Variants in SETD4 observed in about 807,000 individuals in gnomAD.
The protein encoded by SETD4 is SET domain-containing protein 4.
SETD4 carries 46 observed loss-of-function variants against 58.3 expected under a neutral mutation model. The ratio of observed to expected loss-of-function variants is 0.79; its 90% CI spans 0.62 to 1.01. The LOEUF is 1.01. Among genes scored for constraint, SETD4 ranks in the 50% least tolerant of loss-of-function variants. The probability of loss-of-function intolerance (pLI) is 0.00; values close to 1 mark genes in which losing one functional copy is unlikely to be tolerated. For missense variants in SETD4, 490 were observed against 523.3 expected, an observed-to-expected ratio of 0.94 and a Z score of 0.62; for synonymous variants, 190 against 202.6, an observed-to-expected ratio of 0.94 and a Z score of 0.53.
chr21:36,050,446 G>C, intron 4 of SETD4: 1 of 1,614,170 alleles, frequency 6.2e-7, no homozygotes, highest in Non-Finnish European at 8.5e-7. Context: ...GTGGTAGTCA[G>C]AGTACCAACC....
intron 5 of SETD4, among the ~76,000 whole-genome samples, chr21:36,047,885 A>G (rs560224567): frequency 1.2e-4 from 18 of 151,450 alleles, no homozygotes; most frequent in African/African-American, 4.1e-4. Flanking sequence ...AGGCACCTGT[A>G]ATCCCAGCTA....
rs1361233994 is a variant in SETD4 at position 36,060,351 on chromosome 21, G to A, written c.-41C>T. 1 of 164,696 alleles carries A rather than the reference G, an allele frequency of 6.1e-6. No homozygotes were observed. The highest frequency in any genetic ancestry group is 1.3e-5 in the Non-Finnish European group (1 of 79,460). The allele number at this position is 164,696 out of a possible 1,614,324, so 10.2% of individuals were successfully genotyped here. On this transcript the variant is annotated 5_prime_UTR_variant, in exon 1 of 12. Coordinates refer to ENST00000332131, the MANE Select transcript of SETD4 (RefSeq NM_017438.5). ...CCGGAAGTCCTACTAGCTCACCTAG[G>A]CGCCGGCGGCCGCTTCCAAGATGGA...
intron 1 of SETD4, chr21:36,059,743 A>G (rs1429967638): frequency 2.0e-6 from 2 of 984,850 alleles, no homozygotes; most frequent in Non-Finnish European, 2.4e-6. Flanking sequence ...AAAACATACG[A>G]GGGCAGAAAT....
intron 10 of SETD4, 144 bp downstream of exon 10, chr21:36,038,006 A>T (rs2063864392): frequency 9.6e-7 from 1 of 1,039,926 alleles, no homozygotes; most frequent in Non-Finnish European, 1.3e-6. Flanking sequence ...CAAAGAAAAC[A>T]AAAATAGAGA....
At chr21:36,052,735 C>A (rs2064779801) in intron 4 of SETD4, among the ~76,000 whole-genome samples, 1 of 152,104 alleles carries the variant, frequency 6.6e-6, no homozygotes, top group Non-Finnish European at 1.5e-5. Flanking sequence ...CGCTAGAGAT[C>A]TTTAAAATAG....
At chr21:36,043,630 G>A in intron 7 of SETD4, 152 bp downstream of exon 7, 1 of 1,422,472 alleles carries the variant, frequency 7.0e-7, no homozygotes, top group Non-Finnish European at 9.1e-7. Context: ...ATTACAGCCA[G>A]TAAGAGTAAG....
chr21:36,051,720 T>A (rs368821660), intron 4 of SETD4, among the ~76,000 whole-genome samples: 1 of 152,196 alleles, frequency 6.6e-6, no homozygotes, highest in Non-Finnish European at 1.5e-5. Context: ...ACAAAAAAAA[T>A]GGTTTTGCTA....
chr21:36,049,563 A>G (rs1281584136), intron 4 of SETD4, among the ~76,000 whole-genome samples: 2 of 151,550 alleles, frequency 1.3e-5, no homozygotes, highest in Non-Finnish European at 3.0e-5. Flanking sequence ...TCAAAAAAGA[A>G]AAAAAAAATC....
rs1351554797 is a variant in SETD4 at position 36,043,883 on chromosome 21, T to A, written c.800A>T (p.Glu267Val). 1.5e-5 allele frequency: 24 copies of A among 1,614,212 alleles called. No individual in the cohort carries two copies. The highest frequency in any genetic ancestry group is 3.3e-5 in the Admixed American group (2 of 60,022). Residue 267 changes from glutamate to valine, a missense_variant, in exon 7 of 12, where the codon GAG becomes GTG. Physicochemically the swap from Glu to Val is moderately radical, Grantham distance 121. Transcript: ENST00000332131. ...RTTSRWRKHEEVFICYGPHDN... is the reference protein window; with the variant it reads ...RTTSRWRKHEVVFICYGPHDN... ...GTGAGGGCCGTAACAGATGAATACC[T>A]CTTCATGCTTTCTCCAACGTGAAGT...
At chr21:36,051,817 G>C (rs1307102585) in intron 4 of SETD4, among the ~76,000 whole-genome samples, 1 of 152,116 alleles carries the variant, frequency 6.6e-6, no homozygotes, top group Admixed American at 6.6e-5. Flanking sequence ...AGGAATTTTT[G>C]TATTATACAG....
rs140217586 is a variant in SETD4 at position 36,053,845 on chromosome 21, G to A, written c.170-225C>T. ...CCTTGAAGGGCAGTCAGCTTCAGAG[G>A]TGAGACCTAAAGAGCACCGTGGACT... is the stretch of plus-strand genomic sequence containing the variant. On this transcript the variant is annotated intron_variant, in intron 3 of 11. Coordinates refer to ENST00000332131, the MANE Select transcript of SETD4 (RefSeq NM_017438.5). 3.3e-3 allele frequency among the ~76,000 whole-genome samples: 498 copies of A among 152,282 alleles called. 1 individual carries two copies. Among genetic ancestry groups the A allele is most frequent in the African/African-American group, 0.011 (459 of 41,540 alleles).
At chr21:36,049,141 T>A (rs1022190703) in intron 4 of SETD4, among the ~76,000 whole-genome samples, 2 of 152,090 alleles carry the variant, frequency 1.3e-5, no homozygotes, top group African/African-American at 4.8e-5. Flanking sequence ...CCCACGGAGA[T>A]AGAACCATGG....
rs192595505 is a variant in SETD4, at chr21:36,045,531, C to T, written c.726+51G>A. The T allele has an allele frequency of 1.4e-3, 2,273 of 1,576,934 alleles. 5 individuals are homozygous for T. Among genetic ancestry groups the T allele is most frequent in the Admixed American group, 1.9e-3 (113 of 58,234 alleles). On this transcript the variant is annotated intron_variant, in intron 6 of 11. Coordinates refer to ENST00000332131, the MANE Select transcript of SETD4 (RefSeq NM_017438.5). ...ATCTACAGCCACAGGTTCTGGGCAG[C>T]GGAAGCCTTCCTATCCAAATAGAAT...
chr21:36,045,519 G>A (rs772406370), intron 6 of SETD4, 63 bp downstream of exon 6: 12 of 1,559,502 alleles, frequency 7.7e-6, no homozygotes, highest in Non-Finnish European at 9.6e-6. Flanking sequence ...TACAGCCACA[G>A]GTTCTGGGCA....
chr21:36,044,292 T>C (rs1463431548), intron 6 of SETD4, among the ~76,000 whole-genome samples: 1 of 152,240 alleles, frequency 6.6e-6, no homozygotes, highest in Non-Finnish European at 1.5e-5. Context: ...TGTAAAAAGC[T>C]AGAGAGTAAA....
At chr21:36,037,708 G>A (rs550030115) in intron 10 of SETD4, among the ~76,000 whole-genome samples, 18 of 151,396 alleles carry the variant, frequency 1.2e-4, no homozygotes, top group East Asian at 4.0e-4. Context: ...GCCCAGATGC[G>A]GTGGTTCAGG....
intron 3 of SETD4, among the ~76,000 whole-genome samples, chr21:36,055,990 G>A (rs905790797): frequency 6.6e-6 from 1 of 152,148 alleles, no homozygotes; most frequent in Non-Finnish European, 1.5e-5. Context: ...GTACATCTAA[G>A]GGTGTGGCTT....
rs562365090 is a variant in SETD4, at chr21:36,053,231, C to T, written c.207+352G>A. 5 of 305,522 alleles carry T rather than the reference C, an allele frequency of 1.6e-5. No homozygotes were observed. The East Asian group carries it at 3.8e-4, about 23-fold the overall frequency. The allele number at this position is 305,522 out of a possible 1,614,324, so 18.9% of individuals were successfully genotyped here. On this transcript the variant is annotated intron_variant, in intron 4 of 11. Transcript: ENST00000332131. ...CTCTCCTGATGCCCAAGTTCCAAGACCCACAACCTGACCTGAGGGTGCAGT... is the reference window on the plus strand; with the variant it reads ...CTCTCCTGATGCCCAAGTTCCAAGATCCACAACCTGACCTGAGGGTGCAGT...
intron 8 of SETD4, among the ~76,000 whole-genome samples, chr21:36,041,220 C>T (rs1474241756): frequency 2.7e-5 from 4 of 146,422 alleles, no homozygotes; most frequent in Non-Finnish European, 6.0e-5. Context: ...GGGCCGGAGG[C>T]AGGGCCCATG....
Sources: allele counts gnomAD v4.1 joint callset (sites outside exome capture counted in the v4.1 genomes callset), GRCh38; gene constraint gnomAD v4.1.1; transcripts MANE v1.5; gene names NCBI Gene and HGNC (gene_info 2026-07-23, HGNC 2026-07-21).